The following TBC1D22A variants were observed in gnomAD, a reference collection of about 807,000 sequenced individuals.
The protein encoded by TBC1D22A is TBC1 domain family member 22A.
In TBC1D22A, 38 loss-of-function variants were observed where a neutral mutation model predicts 60.2. The ratio of observed to expected loss-of-function variants is 0.63; its 90% CI spans 0.49 to 0.83. The LOEUF is 0.83. Among genes scored for constraint, TBC1D22A ranks in the 40% least tolerant of loss-of-function variants. The pLI is 0.00. For missense variants in TBC1D22A, 628 were observed against 701.0 expected (o/e 0.90, Z 1.18); for synonymous variants, 302 against 281.7 (o/e 1.07, Z -0.72).
At chr22:47,134,765 C>A (rs2066801869) in intron 12 of TBC1D22A, among the ~76,000 whole-genome samples, 1 of 152,206 alleles carries the variant, frequency 6.6e-6, no homozygotes, top group African/African-American at 2.4e-5. Context: ...GGCTGGCATC[C>A]TTTCTGCTCA....
At chr22:47,108,310 A>G (rs1483960977) in intron 11 of TBC1D22A, among the ~76,000 whole-genome samples, 3 of 152,238 alleles carry the variant, frequency 2.0e-5, no homozygotes, top group Non-Finnish European at 2.9e-5. Context: ...CAGTCCATCA[A>G]CAGATGAATG....
intron 11 of TBC1D22A, among the ~76,000 whole-genome samples, chr22:47,087,131 G>C (rs1327989678): frequency 6.6e-6 from 1 of 152,236 alleles, no homozygotes; most frequent in East Asian, 1.9e-4. Flanking sequence ...CCTGTTGATT[G>C]GTTGGCAGAG....
chr22:46,816,689 T>C (rs970835595), intron 4 of TBC1D22A, among the ~76,000 whole-genome samples: 1 of 152,162 alleles, frequency 6.6e-6, no homozygotes, highest in African/African-American at 2.4e-5. Flanking sequence ...TTTGGGCTTT[T>C]CAGAGCCTTT....
At chr22:46,833,902 G>A (rs2086411942) in intron 4 of TBC1D22A, among the ~76,000 whole-genome samples, 1 of 152,218 alleles carries the variant, frequency 6.6e-6, no homozygotes, top group Admixed American at 6.5e-5. Context: ...GCAAGGACTT[G>A]TCAGGAGAGA....
chr22:46,778,238 CT>C (rs2083785700), intron 1 of TBC1D22A, among the ~76,000 whole-genome samples: 1 of 151,214 alleles, frequency 6.6e-6, no homozygotes, highest in Non-Finnish European at 1.5e-5. Flanking sequence ...TACATTTAGG[CT>C]CTACTAGATT....
chr22:46,862,355 C>A (rs1252818854), intron 4 of TBC1D22A, among the ~76,000 whole-genome samples: 1 of 152,016 alleles, frequency 6.6e-6, no homozygotes, highest in Non-Finnish European at 1.5e-5. Context: ...GCAGGAGAGG[C>A]TTGAATGGTT....
At chr22:46,929,748 G>A (rs1019338730) in intron 8 of TBC1D22A, among the ~76,000 whole-genome samples, 4 of 152,124 alleles carry the variant, frequency 2.6e-5, no homozygotes, top group Admixed American at 6.5e-5. Flanking sequence ...GTATGTGCAT[G>A]CATGCACATG....
chr22:47,058,663 A>T (rs1473514934), intron 11 of TBC1D22A, among the ~76,000 whole-genome samples: 2 of 151,966 alleles, frequency 1.3e-5, no homozygotes, highest in Non-Finnish European at 2.9e-5. Flanking sequence ...GGGCTCAGAG[A>T]GATGTCCAGG....
chr22:46,892,955 T>A (rs973669161), intron 6 of TBC1D22A, among the ~76,000 whole-genome samples: 4 of 152,240 alleles, frequency 2.6e-5, no homozygotes, highest in Non-Finnish European at 1.5e-5. Flanking sequence ...CTCTTAGAAC[T>A]GCGCCTTCTG....
At position 47,118,790 on chromosome 22, in the gene TBC1D22A, T is replaced by TACAC. The variant is rs146644664; in HGVS notation, c.1425+7207_1425+7210dup. 5.6e-3 allele frequency among the ~76,000 whole-genome samples: 707 copies of TACAC among 125,506 alleles called. 4 individuals carry two copies. Among genetic ancestry groups the TACAC allele is most frequent in the African/African-American group, 0.019 (600 of 30,862 alleles). 82.3% of individuals were successfully genotyped at this position (125,506 alleles called of 152,430 possible). On this transcript the variant is annotated intron_variant, in intron 12 of 12. Transcript: ENST00000337137. ...TCCTCTGTGTTAGGAAAGAGGAATT[T>TACAC]ACACACACACACACACACACACATA...
At chr22:47,015,477 C>T (rs1274225112) in intron 10 of TBC1D22A, among the ~76,000 whole-genome samples, 2 of 152,242 alleles carry the variant, frequency 1.3e-5, no homozygotes, top group Non-Finnish European at 2.9e-5. Flanking sequence ...TTCGAGGAAA[C>T]CTGCAATTCA....
intron 4 of TBC1D22A, among the ~76,000 whole-genome samples, chr22:46,841,428 A>G (rs1602104821): frequency 6.6e-6 from 1 of 152,250 alleles, no homozygotes; most frequent in South Asian, 2.1e-4. Flanking sequence ...GTGAGAAAAA[A>G]TTTTCTGTTC....
At chr22:47,124,875 G>A (rs540730239) in intron 12 of TBC1D22A, among the ~76,000 whole-genome samples, 38 of 152,288 alleles carry the variant, frequency 2.5e-4, no homozygotes, top group African/African-American at 6.5e-4. Flanking sequence ...GGGAGGACAG[G>A]CGGGCAGAGG....
Position 46,891,751 on chromosome 22 carries a change from C to T in TBC1D22A, c.837+357C>T, listed in dbSNP as rs541582573. 3.9e-5 allele frequency among the ~76,000 whole-genome samples: 6 copies of T among 152,188 alleles called. No homozygotes were observed. The South Asian group carries it at 1.0e-3, about 26-fold the overall frequency. On this transcript the variant is annotated intron_variant, in intron 6 of 12. Coordinates refer to ENST00000337137, the MANE Select transcript of TBC1D22A (RefSeq NM_014346.5). ...GTAATAAAAGGCCATTCCTAAAGGC[C>T]CAGGCCCAACCACTTAGCTGATGGC...
chr22:46,885,016 G>A (rs965419466), intron 5 of TBC1D22A, among the ~76,000 whole-genome samples: 1 of 152,216 alleles, frequency 6.6e-6, no homozygotes, highest in Non-Finnish European at 1.5e-5. Flanking sequence ...TTTCGGGCTG[G>A]TGGTGTTAAA....
chr22:47,146,019 A>G (rs2067271808), intron 12 of TBC1D22A, among the ~76,000 whole-genome samples: 1 of 144,912 alleles, frequency 6.9e-6, no homozygotes, highest in African/African-American at 2.7e-5. Context: ...GCAGGGGTTG[A>G]CCAGGAGGCC....
rs745800235 is a variant in TBC1D22A at position 46,943,545 on chromosome 22, C to CT, written c.1016-30744dup. Among the ~76,000 whole-genome samples the CT allele has an allele frequency of 2.0e-5, 3 of 152,344 alleles. No homozygotes were observed. In the East Asian group the frequency reaches 5.8e-4, roughly 29 times the overall value. Reference sequence around the variant, plus strand: ...GCCTGGAAAGGGGAATAAACCCCTCCTCTCTCCTACTTGTGTATTCCGCCT... The same window carrying CT: ...GCCTGGAAAGGGGAATAAACCCCTCCTTCTCTCCTACTTGTGTATTCCGCCT... On this transcript the variant is annotated intron_variant, in intron 8 of 12. Coordinates refer to ENST00000337137, the MANE Select transcript of TBC1D22A (RefSeq NM_014346.5).
At chr22:46,867,787 T>G (rs188031510) in intron 4 of TBC1D22A, among the ~76,000 whole-genome samples, 1 of 152,330 alleles carries the variant, frequency 6.6e-6, no homozygotes, top group East Asian at 1.9e-4. Context: ...ATCACGTCAA[T>G]TGACAAAATC....
In TBC1D22A at chr22:47,048,232, G is replaced by A. The variant is rs1442174883; in HGVS notation, c.1329+11034G>A. Among the ~76,000 whole-genome samples the A allele has an allele frequency of 2.0e-5, 3 of 152,252 alleles. 1 individual carries two copies. The highest frequency in any genetic ancestry group is 2.0e-4 in the Admixed American group (3 of 15,292). On this transcript the variant is annotated intron_variant, in intron 11 of 12. Coordinates refer to ENST00000337137, the MANE Select transcript of TBC1D22A (RefSeq NM_014346.5). ...TCTTATGTGTGAGGTGTGGTTTTGGGGTTTCACAGTGCGGTAAGGCTCCCC... is the reference window on the plus strand; with the variant it reads ...TCTTATGTGTGAGGTGTGGTTTTGGAGTTTCACAGTGCGGTAAGGCTCCCC...
Sources: gnomAD v4.1 joint callset for allele counts (sites outside exome capture counted in the v4.1 genomes callset) on GRCh38, gnomAD v4.1.1 for gene constraint, MANE v1.5 for transcripts, NCBI Gene and HGNC (gene_info 2026-07-23, HGNC 2026-07-21) for gene names.